The following CXADR variants were observed in gnomAD, a reference collection of about 807,000 sequenced individuals.
CXADR encodes coxsackievirus and adenovirus receptor.
Under a neutral mutation model 40.3 loss-of-function variants are expected in CXADR, and 20 were observed. The observed-to-expected ratio is 0.50, with a 90% confidence interval of 0.35 to 0.72. CXADR has a LOEUF of 0.72. Ranked by LOEUF, CXADR falls within the 30% of genes least tolerant of loss-of-function variation. The pLI, the probability that CXADR is intolerant of heterozygous loss-of-function variation, is 0.01. For synonymous variants in CXADR, 150 were observed against 161.3 expected (o/e 0.93, Z 0.53); for missense variants, 332 against 449.1 (o/e 0.74, Z 2.36).
chr21:17,534,789 C>CTTTT (rs11427595), intron 1 of CXADR, among the ~76,000 whole-genome samples: 4 of 131,926 alleles, frequency 3.0e-5, no homozygotes, highest in African/African-American at 5.8e-5. Context: ...TATTTTCTTC[C>CTTTT]TTTTTTTTTT....
chr21:17,593,928 T>C, downstream of CXADR: 1 of 894,898 alleles, frequency 1.1e-6, no homozygotes, highest in Non-Finnish European at 1.6e-6. Flanking sequence ...CTAAAGTGCA[T>C]ATATTTTTTA....
chr21:17,596,197 A>G (rs539748214), downstream of CXADR, among the ~76,000 whole-genome samples: 1 of 151,994 alleles, frequency 6.6e-6, no homozygotes, highest in Non-Finnish European at 1.5e-5. Flanking sequence ...TAAGTCCTTT[A>G]CAGATATATG....
chr21:17,597,319 CCA>C (rs1370463431), downstream of CXADR, among the ~76,000 whole-genome samples: 3 of 151,750 alleles, frequency 2.0e-5, no homozygotes, highest in African/African-American at 4.8e-5. Flanking sequence ...GGTAAAATTG[CCA>C]CACATTTGGA....
downstream of CXADR, among the ~76,000 whole-genome samples, chr21:17,571,869 G>A (rs2246648): frequency 0.51 from 77,823 of 151,740 alleles, 21,916 homozygotes; most frequent in Non-Finnish European, 0.63. Flanking sequence ...TAATTGTTTC[G>A]CATGCTTGAT....
At chr21:17,521,548 C>G (rs2060530613) in intron 1 of CXADR, among the ~76,000 whole-genome samples, 2 of 151,992 alleles carry the variant, frequency 1.3e-5, no homozygotes, top group Admixed American at 6.6e-5. Flanking sequence ...GTCTCGAACT[C>G]CTGACCTCAG....
chr21:17,628,506 C>CTTT, the CXADR span, among the ~76,000 whole-genome samples: 1 of 146,380 alleles, frequency 6.8e-6, no homozygotes, highest in South Asian at 2.2e-4. Context: ...TGTCCCAGTT[C>CTTT]TTTTTTTTTT....
At chr21:17,552,114 A>G (rs1005188058) in intron 3 of CXADR, among the ~76,000 whole-genome samples, 161 bp downstream of exon 3, 1 of 152,234 alleles carries the variant, frequency 6.6e-6, no homozygotes, top group Non-Finnish European at 1.5e-5. Flanking sequence ...ATATAAAACT[A>G]GCTTTTGGTT....
At chr21:17,580,597 G>A (rs993602460) in intron 7 of CXADR, among the ~76,000 whole-genome samples, 1 of 152,112 alleles carries the variant, frequency 6.6e-6, no homozygotes, top group African/African-American at 2.4e-5. Context: ...GTGACAGAGT[G>A]AGGCCTTGTC....
chr21:17,604,291 A>G, the CXADR span: 11 of 257,464 alleles, frequency 4.3e-5, no homozygotes, highest in East Asian at 1.8e-3. Flanking sequence ...AAATATAAAA[A>G]AAAATTAGCC....
At chr21:17,595,661 T>C (rs546716596), downstream of CXADR, among the ~76,000 whole-genome samples, 170 of 152,102 alleles carry the variant, frequency 1.1e-3, 1 homozygote, top group African/African-American at 3.9e-3. Flanking sequence ...TAATGGGACA[T>C]TGAGGCTGTT....
At chr21:17,597,925 T>C (rs1480005405), downstream of CXADR, among the ~76,000 whole-genome samples, 1 of 152,144 alleles carries the variant, frequency 6.6e-6, no homozygotes, top group Non-Finnish European at 1.5e-5. Flanking sequence ...AGCAAGTAAG[T>C]AAAAATAGAT....
At chr21:17,623,710 C>G in the CXADR span, among the ~76,000 whole-genome samples, 1 of 152,228 alleles carries the variant, frequency 6.6e-6, no homozygotes, top group East Asian at 1.9e-4. Context: ...ACAACTCCCA[C>G]TAAACTTGCC....
intron 1 of CXADR, 38 bp downstream of exon 1, chr21:17,513,210 C>A: frequency 1.5e-6 from 2 of 1,348,686 alleles, no homozygotes; most frequent in Non-Finnish European, 1.9e-6. Flanking sequence ...ACCCGCCCAG[C>A]CCGGGGGCGC....
chr21:17,606,240 A>T, the CXADR span, among the ~76,000 whole-genome samples: 1 of 152,152 alleles, frequency 6.6e-6, no homozygotes, highest in Non-Finnish European at 1.5e-5. Context: ...GGAGGCAGAG[A>T]GAGTTTGAGT....
rs192647803 is a variant in CXADR, at chr21:17,591,629, A to C, written c.1018-1523A>C. ...CTTTTTTTTTCAAATATCCAAGTTT[A>C]ACCTATAAAATTTAGAGCTTTGCAG... On this transcript the variant is annotated intron_variant, in intron 7 of 7. Coordinates refer to the CXADR transcript ENST00000400169. Among the ~76,000 whole-genome samples the C allele has an allele frequency of 2.9e-3, 437 of 152,118 alleles. 7 individuals are homozygous for C. Among genetic ancestry groups the C allele is most frequent in the South Asian group, 4.3e-3 (21 of 4,828 alleles).
intron 7 of CXADR, among the ~76,000 whole-genome samples, chr21:17,576,646 T>C (rs1449606156): frequency 6.6e-6 from 1 of 152,202 alleles, no homozygotes; most frequent in African/African-American, 2.4e-5. Context: ...CTCAAAAGTA[T>C]GTCGGATTGG....
chr21:17,518,410 CA>C (rs2060488130), intron 1 of CXADR: 1 of 578,130 alleles, frequency 1.7e-6, no homozygotes, highest in African/African-American at 1.9e-5. Flanking sequence ...TATTAATATA[CA>C]AAATATTTAT....
chr21:17,555,243 C>T (rs2061019425), intron 3 of CXADR, among the ~76,000 whole-genome samples: 1 of 152,162 alleles, frequency 6.6e-6, no homozygotes, highest in African/African-American at 2.4e-5. Flanking sequence ...AATTCCTGGA[C>T]ATATATGGTA....
chr21:17,557,530 A>G (rs975808541), intron 3 of CXADR, among the ~76,000 whole-genome samples: 1 of 152,118 alleles, frequency 6.6e-6, no homozygotes, highest in Non-Finnish European at 1.5e-5. Context: ...TAGACCACAC[A>G]CTTGCTCCTT....
Sources: gnomAD v4.1 joint callset for allele counts (sites outside exome capture counted in the v4.1 genomes callset) on GRCh38, gnomAD v4.1.1 for gene constraint, MANE v1.5 for transcripts, NCBI Gene and HGNC (gene_info 2026-07-23, HGNC 2026-07-21) for gene names.